The following METTL21A variants were observed in gnomAD, a reference collection of about 807,000 sequenced individuals.
The protein encoded by METTL21A is methyltransferase 21A, HSPA lysine.
A neutral mutation model predicts 20.9 loss-of-function variants in METTL21A; 22 were observed. The observed-to-expected ratio is 1.05, with a 90% CI of 0.75 to 1.50. The LOEUF is 1.50. METTL21A is among the 40% of genes most tolerant of loss of function. The pLI is 0.00. For missense variants in METTL21A, 271 were observed against 266.8 expected, an observed-to-expected ratio of 1.02 and a Z score of -0.11; for synonymous variants, 93 against 102.0, an observed-to-expected ratio of 0.91 and a Z score of 0.53.
chr2:207,608,128 C>CCAT (rs2088424441), downstream of METTL21A, among the ~76,000 whole-genome samples: 1 of 152,068 alleles, frequency 6.6e-6, no homozygotes, highest in South Asian at 2.1e-4. Flanking sequence ...TCATAAAGGA[C>CCAT]CATCACCCTG....
intron 3 of METTL21A, among the ~76,000 whole-genome samples, chr2:207,588,652 C>T (rs2106636108): frequency 6.7e-6 from 1 of 150,322 alleles, no homozygotes; most frequent in African/African-American, 2.4e-5. Flanking sequence ...ATTCCATGAA[C>T]ACAATATAAT....
chr2:207,605,413 T>C (rs1186634436), downstream of METTL21A, among the ~76,000 whole-genome samples: 1 of 152,222 alleles, frequency 6.6e-6, no homozygotes, highest in Non-Finnish European at 1.5e-5. Flanking sequence ...TGTTGGGTTC[T>C]GAGTTCCTTA....
At chr2:207,597,058 A>G in intron 3 of METTL21A, 1 of 1,590,636 alleles carries the variant, frequency 6.3e-7, no homozygotes, top group Non-Finnish European at 8.5e-7. Context: ...AATCAGATTA[A>G]TTTGGGATTT....
downstream of METTL21A, among the ~76,000 whole-genome samples, chr2:207,604,171 ATTGCCCATC>A (rs2087639208): frequency 6.6e-6 from 1 of 152,216 alleles, no homozygotes; most frequent in Non-Finnish European, 1.5e-5. Flanking sequence ...TCAGGAAAAG[ATTGCCCATC>A]TTGTCATTTG....
At chr2:207,583,911 T>TA (rs2083372206) in intron 3 of METTL21A, among the ~76,000 whole-genome samples, 1 of 152,260 alleles carries the variant, frequency 6.6e-6, no homozygotes, top group African/African-American at 2.4e-5. Flanking sequence ...TAATCTCTTA[T>TA]AAATGGTATC....
At chr2:207,606,327 C>T (rs2088095225), downstream of METTL21A, among the ~76,000 whole-genome samples, 1 of 152,002 alleles carries the variant, frequency 6.6e-6, no homozygotes, top group South Asian at 2.1e-4. Context: ...CTAAAAAATA[C>T]AAAAATTAGC....
At chr2:207,589,526 A>C (rs1160787209) in intron 3 of METTL21A, among the ~76,000 whole-genome samples, 2 of 152,162 alleles carry the variant, frequency 1.3e-5, no homozygotes, top group Admixed American at 6.5e-5. Context: ...TAACATACTC[A>C]CACACTGCAG....
At chr2:207,616,318 AT>A (rs2089732338) in intron 3 of METTL21A, among the ~76,000 whole-genome samples, 1 of 152,238 alleles carries the variant, frequency 6.6e-6, no homozygotes, top group South Asian at 2.1e-4. Flanking sequence ...CTCAGTATTC[AT>A]TTTACCAGCT....
chr2:207,595,763 C>G (rs1253220923), intron 3 of METTL21A, among the ~76,000 whole-genome samples: 1 of 152,088 alleles, frequency 6.6e-6, no homozygotes, highest in African/African-American at 2.4e-5. Context: ...GAGACAGGGT[C>G]TTAATATATT....
intron 3 of METTL21A, chr2:207,597,064 G>T (rs1020319916): frequency 1.9e-6 from 3 of 1,586,874 alleles, no homozygotes; most frequent in Admixed American, 1.9e-5. Flanking sequence ...ATTAATTTGG[G>T]ATTTAAATTT....
chr2:207,602,583 A>G (rs2087271051), intron 3 of METTL21A: 1 of 211,958 alleles, frequency 4.7e-6, no homozygotes, highest in South Asian at 1.9e-4. Context: ...ATTGGTAGGG[A>G]GGAAGAAAAT....
chr2:207,623,730 G>A (rs2107349325), intron 2 of METTL21A, among the ~76,000 whole-genome samples: 1 of 152,264 alleles, frequency 6.6e-6, no homozygotes, highest in Middle Eastern at 3.4e-3. Flanking sequence ...GCGTGCACCT[G>A]TAGCCCCAGT....
intron 3 of METTL21A, among the ~76,000 whole-genome samples, chr2:207,596,387 G>A (rs2086164250): frequency 6.6e-6 from 1 of 152,202 alleles, no homozygotes; most frequent in African/African-American, 2.4e-5. Context: ...ATAGTAAGAT[G>A]TAATTTTTAA....
At chr2:207,584,142 A>G (rs748278884) in intron 3 of METTL21A, among the ~76,000 whole-genome samples, 1 of 152,238 alleles carries the variant, frequency 6.6e-6, no homozygotes, top group Non-Finnish European at 1.5e-5. Context: ...TTTTTATATG[A>G]ACTTTCCATT....
intron 2 of METTL21A, among the ~76,000 whole-genome samples, chr2:207,622,608 C>A (rs1289004243): frequency 3.3e-5 from 5 of 152,260 alleles, no homozygotes; most frequent in African/African-American, 4.8e-5. Context: ...AAAGCCACAA[C>A]TTCACCCATA....
downstream of METTL21A, chr2:207,609,114 C>A (rs1331101799): frequency 1.3e-5 from 2 of 152,214 alleles, no homozygotes; most frequent in African/African-American, 4.8e-5. Flanking sequence ...AGAATGCTCA[C>A]AACTTTTAAT....
intron 3 of METTL21A, chr2:207,620,680 T>C: frequency 6.5e-7 from 1 of 1,535,292 alleles, no homozygotes; most frequent in Non-Finnish European, 8.7e-7. Context: ...AAGGGCTTCA[T>C]CGATGACTTA....
At chr2:207,592,726 C>G (rs951078026) in intron 3 of METTL21A, among the ~76,000 whole-genome samples, 1 of 151,950 alleles carries the variant, frequency 6.6e-6, no homozygotes, top group African/African-American at 2.4e-5. Context: ...TGAGAACATC[C>G]TGGCCAACAT....
At chr2:207,603,869 A>G (rs941814964) in intron 3 of METTL21A, among the ~76,000 whole-genome samples, 5 of 152,198 alleles carry the variant, frequency 3.3e-5, no homozygotes, top group African/African-American at 1.2e-4. Context: ...GTTATCTCCT[A>G]TACTATTAAC....
Sources: allele counts gnomAD v4.1 joint callset (sites outside exome capture counted in the v4.1 genomes callset), GRCh38; gene constraint gnomAD v4.1.1; transcripts MANE v1.5; gene names NCBI Gene and HGNC (gene_info 2026-07-23, HGNC 2026-07-21).